SHISA9: variants seen among roughly 807,000 people sequenced by gnomAD.
SHISA9 encodes the protein shisa family member 9, also known as protein shisa-9.
Under a neutral mutation model 38.0 loss-of-function variants are expected in SHISA9, and 13 were observed. The ratio of observed to expected loss-of-function variants is 0.34; its 90% CI spans 0.22 to 0.54. The LOEUF is 0.54. SHISA9 is among the 20% of genes least tolerant of loss of function. SHISA9 has a pLI of 0.91. For synonymous variants in SHISA9, 275 were observed against 242.0 expected (o/e 1.14, Z -1.27); for missense variants, 538 against 575.8 (o/e 0.93, Z 0.67).
chr16:13,385,908 A>G, the SHISA9 span, among the ~76,000 whole-genome samples: 2 of 152,224 alleles, frequency 1.3e-5, no homozygotes, highest in African/African-American at 4.8e-5. Flanking sequence ...CAAAAATGCC[A>G]CATACAATAT....
the SHISA9 span, among the ~76,000 whole-genome samples, chr16:13,550,333 G>T: frequency 6.6e-6 from 1 of 152,150 alleles, no homozygotes; most frequent in African/African-American, 2.4e-5. Context: ...CAGAAAGAAA[G>T]TTAAACTAGA....
At chr16:13,461,214 C>G in the SHISA9 span, among the ~76,000 whole-genome samples, 1 of 152,228 alleles carries the variant, frequency 6.6e-6, no homozygotes, top group Non-Finnish European at 1.5e-5. Context: ...TCCTCAAAGA[C>G]TGGCTGAGGC....
At chr16:13,284,448 T>A in the SHISA9 span, among the ~76,000 whole-genome samples, 1 of 152,210 alleles carries the variant, frequency 6.6e-6, no homozygotes, top group Non-Finnish European at 1.5e-5. Context: ...TTAGATGTAG[T>A]GCTTGTATTT....
At chr16:13,542,044 A>C in the SHISA9 span, among the ~76,000 whole-genome samples, 18 of 152,188 alleles carry the variant, frequency 1.2e-4, no homozygotes, top group Non-Finnish European at 2.9e-5. Flanking sequence ...TATCCTCATA[A>C]GAGACAGATA....
chr16:13,262,146 A>G, the SHISA9 span, among the ~76,000 whole-genome samples: 1 of 152,210 alleles, frequency 6.6e-6, no homozygotes, highest in Non-Finnish European at 1.5e-5. Context: ...AATGCCCCCA[A>G]ACAATTTGGC....
chr16:13,304,777 G>A, the SHISA9 span, among the ~76,000 whole-genome samples: 2 of 152,170 alleles, frequency 1.3e-5, no homozygotes, highest in African/African-American at 4.8e-5. Context: ...ACCCAGAGCT[G>A]AAATACCAAA....
chr16:13,417,587 A>G, the SHISA9 span, among the ~76,000 whole-genome samples: 1 of 152,188 alleles, frequency 6.6e-6, no homozygotes, highest in South Asian at 2.1e-4. Flanking sequence ...TGTCTTGCAA[A>G]CTGCTGAACA....
intron 4 of SHISA9, among the ~76,000 whole-genome samples, chr16:13,226,297 A>G (rs204029): frequency 0.79 from 119,716 of 152,186 alleles, 47,357 homozygotes; most frequent in Middle Eastern, 0.85. Context: ...TGTTGAAATA[A>G]TCTTGAAAAT....
At chr16:13,009,893 A>G (rs2072648746) in intron 2 of SHISA9, among the ~76,000 whole-genome samples, 1 of 152,166 alleles carries the variant, frequency 6.6e-6, no homozygotes, top group Admixed American at 6.5e-5. Flanking sequence ...AGAAACATAG[A>G]AGGCCAGGCA....
At chr16:13,050,011 A>G (rs1016945316) in intron 2 of SHISA9, among the ~76,000 whole-genome samples, 1 of 152,212 alleles carries the variant, frequency 6.6e-6, no homozygotes, top group Non-Finnish European at 1.5e-5. Context: ...TTTTCTAAAG[A>G]AATCATCTTG....
chr16:13,519,981 A>G, the SHISA9 span, among the ~76,000 whole-genome samples: 1 of 152,180 alleles, frequency 6.6e-6, no homozygotes, highest in Non-Finnish European at 1.5e-5. Context: ...ACTGCAACCT[A>G]AAAACAGTAA....
At chr16:13,058,691 A>C (rs938709672) in intron 2 of SHISA9, among the ~76,000 whole-genome samples, 6 of 152,070 alleles carry the variant, frequency 3.9e-5, no homozygotes, top group Non-Finnish European at 8.8e-5. Context: ...GCTTTTGTAC[A>C]GGTTCAGGGC....
the SHISA9 span, among the ~76,000 whole-genome samples, chr16:13,333,000 T>A: frequency 6.6e-6 from 1 of 152,190 alleles, no homozygotes; most frequent in Non-Finnish European, 1.5e-5. Flanking sequence ...TTAAAAATAT[T>A]CAGCCCTTCA....
chr16:13,059,133 T>C (rs2073344811), intron 2 of SHISA9, among the ~76,000 whole-genome samples: 1 of 140,470 alleles, frequency 7.1e-6, no homozygotes, highest in Non-Finnish European at 1.5e-5. Context: ...TTTTTTTTTT[T>C]TTTTTTTTTT....
At chr16:13,002,764 C>G (rs558877611) in intron 2 of SHISA9, among the ~76,000 whole-genome samples, 1 of 152,176 alleles carries the variant, frequency 6.6e-6, no homozygotes, top group South Asian at 2.1e-4. Flanking sequence ...AACTCCCGAC[C>G]TCAGGTGATC....
At chr16:13,160,651 T>G (rs1002846546) in intron 2 of SHISA9, among the ~76,000 whole-genome samples, 2 of 152,096 alleles carry the variant, frequency 1.3e-5, no homozygotes, top group African/African-American at 4.8e-5. Context: ...ATGAGAAAAT[T>G]TTATTATGCG....
intron 2 of SHISA9, among the ~76,000 whole-genome samples, chr16:13,057,517 C>T (rs1464962413): frequency 6.6e-6 from 1 of 152,090 alleles, no homozygotes; most frequent in Non-Finnish European, 1.5e-5. Flanking sequence ...TTGGGCTTCA[C>T]CATAGATCCA....
At chr16:13,295,528 C>T in the SHISA9 span, among the ~76,000 whole-genome samples, 2 of 152,172 alleles carry the variant, frequency 1.3e-5, no homozygotes, top group African/African-American at 2.4e-5. Flanking sequence ...TTGGCCCGTC[C>T]TTCAGAGGGC....
At chr16:13,216,223 A>G (rs1229672493) in intron 4 of SHISA9, among the ~76,000 whole-genome samples, 3 of 148,542 alleles carry the variant, frequency 2.0e-5, no homozygotes, top group African/African-American at 7.5e-5. Flanking sequence ...GACAATTTGG[A>G]TATGATGGGC....
Sources: gnomAD v4.1 joint callset for allele counts (sites outside exome capture counted in the v4.1 genomes callset) on GRCh38, gnomAD v4.1.1 for gene constraint, MANE v1.5 for transcripts, NCBI Gene and HGNC (gene_info 2026-07-23, HGNC 2026-07-21) for gene names.